Variants in PLSCR4 observed in about 807,000 individuals in gnomAD.
PLSCR4 encodes Ca(2+)-dependent phospholipid scramblase 4.
PLSCR4 carries 25 observed loss-of-function variants against 36.3 expected under a neutral mutation model. The observed-to-expected ratio is 0.69, with a 90% CI of 0.50 to 0.96. PLSCR4 has a LOEUF of 0.96. PLSCR4 is among the 40% of genes least tolerant of loss of function. The pLI is 0.00. For missense variants in PLSCR4, 408 were observed against 414.7 expected, an observed-to-expected ratio of 0.98 and a Z score of 0.14; for synonymous variants, 122 against 132.9, an observed-to-expected ratio of 0.92 and a Z score of 0.56.
At chr3:146,223,080 T>C (rs1056802073) in intron 1 of PLSCR4, among the ~76,000 whole-genome samples, 1 of 129,090 alleles carries the variant, frequency 7.7e-6, no homozygotes, top group African/African-American at 2.9e-5. Context: ...AGGGTAAGAA[T>C]TGAAAGTTTA....
At chr3:146,230,726 A>G (rs114766992) in intron 1 of PLSCR4, among the ~76,000 whole-genome samples, 88 of 152,354 alleles carry the variant, frequency 5.8e-4, no homozygotes, top group Non-Finnish European at 1.0e-3. Flanking sequence ...TCGCAGCAGT[A>G]AAAGGGTAAA....
At chr3:146,228,097 TA>T (rs992530278) in intron 1 of PLSCR4, among the ~76,000 whole-genome samples, 117 of 152,282 alleles carry the variant, frequency 7.7e-4, no homozygotes, top group African/African-American at 2.7e-3. Flanking sequence ...GTTATCCTGT[TA>T]ATCATGGGGA....
chr3:146,213,273 C>T (rs1241501076), intron 3 of PLSCR4, among the ~76,000 whole-genome samples: 1 of 150,134 alleles, frequency 6.7e-6, no homozygotes, highest in Non-Finnish European at 1.5e-5. Flanking sequence ...TCTTTCATTT[C>T]TATGGAAGAC....
intron 6 of PLSCR4, among the ~76,000 whole-genome samples, chr3:146,197,934 G>A (rs2033835349): frequency 6.6e-6 from 1 of 151,954 alleles, no homozygotes; most frequent in South Asian, 2.1e-4. Context: ...TTAAACCTAT[G>A]AGATAAAAAT....
chr3:146,250,152 A>C (rs930218551), intron 1 of PLSCR4, among the ~76,000 whole-genome samples: 1 of 152,172 alleles, frequency 6.6e-6, no homozygotes, highest in Non-Finnish European at 1.5e-5. Flanking sequence ...GTCTTTTTCA[A>C]ATTTAATGGA....
At chr3:146,219,850 G>GA (rs745556252) in intron 3 of PLSCR4, among the ~76,000 whole-genome samples, 1 of 152,114 alleles carries the variant, frequency 6.6e-6, no homozygotes, top group Non-Finnish European at 1.5e-5. Context: ...TGATGCAGGA[G>GA]AATCACTTGA....
At chr3:146,211,704 T>C (rs899102313) in intron 3 of PLSCR4, among the ~76,000 whole-genome samples, 1 of 152,288 alleles carries the variant, frequency 6.6e-6, no homozygotes, top group Non-Finnish European at 1.5e-5. Flanking sequence ...TTCAAACACA[T>C]AGATCTTTGA....
In PLSCR4 at chr3:146,201,034, C is replaced by T. The variant is rs775240277; in HGVS notation, c.397+1G>A. On this transcript the variant is annotated splice_donor_variant, in intron 5 of 8. Coordinates refer to ENST00000354952, the MANE Select transcript of PLSCR4 (RefSeq NM_020353.3). LOFTEE classifies it high-confidence loss of function. ...CTGAGCACTACAAAAATTATACATA[C>T]TTTCCAGAGGCTCAAAATGCTGAAG... The T allele has an allele frequency of 2.6e-6, 4 of 1,555,998 alleles. No homozygotes were observed. The highest frequency in any genetic ancestry group is 3.5e-6 in the Non-Finnish European group (4 of 1,155,078).
chr3:146,237,700 C>T (rs1206399173), intron 1 of PLSCR4, among the ~76,000 whole-genome samples: 12 of 151,440 alleles, frequency 7.9e-5, no homozygotes, highest in Non-Finnish European at 1.0e-4. Context: ...TGAAGTACAG[C>T]CAAAGCAATG....
chr3:146,218,390 T>C (rs943264975), intron 3 of PLSCR4, among the ~76,000 whole-genome samples: 3 of 151,918 alleles, frequency 2.0e-5, no homozygotes, highest in African/African-American at 7.2e-5. Flanking sequence ...GTACTTTTAA[T>C]ATAAAAGCAC....
chr3:146,237,855 G>A (rs1357750665), intron 1 of PLSCR4, among the ~76,000 whole-genome samples: 2 of 151,658 alleles, frequency 1.3e-5, no homozygotes, highest in South Asian at 4.2e-4. Context: ...AAAGATTAGA[G>A]TAGGAATAAA....
At chr3:146,200,973 T>A in intron 5 of PLSCR4, 62 bp downstream of exon 5, 1 of 1,067,400 alleles carries the variant, frequency 9.4e-7, no homozygotes, top group Non-Finnish European at 1.4e-6. Context: ...GAACTAGATA[T>A]TGGATAATGC....
At chr3:146,220,062 A>T (rs939532118) in intron 3 of PLSCR4, among the ~76,000 whole-genome samples, 51 of 152,296 alleles carry the variant, frequency 3.3e-4, no homozygotes, top group African/African-American at 1.1e-3. Flanking sequence ...TATGTATTTT[A>T]AAAAAATATT....
intron 1 of PLSCR4, among the ~76,000 whole-genome samples, chr3:146,225,998 C>T (rs778804952): frequency 1.5e-4 from 23 of 152,254 alleles, no homozygotes; most frequent in South Asian, 1.4e-3. Flanking sequence ...TATGATTCCA[C>T]GTAAGAATGT....
At chr3:146,238,843 G>A (rs905492575) in intron 1 of PLSCR4, among the ~76,000 whole-genome samples, 3 of 151,968 alleles carry the variant, frequency 2.0e-5, no homozygotes, top group Non-Finnish European at 4.4e-5. Context: ...GAAATAATGT[G>A]ACATTTTTAA....
intron 1 of PLSCR4, among the ~76,000 whole-genome samples, chr3:146,249,077 T>C (rs1258627922): frequency 6.6e-6 from 1 of 152,136 alleles, no homozygotes. Context: ...ATAAGATTTC[T>C]AGGTATATTA....
rs1428252726 is a variant in PLSCR4 at position 146,206,638 on chromosome 3, A to G, written c.242T>C (p.Val81Ala). ...LYQPVGGIHP[V>A]RYQPGKYPMP... is the part of the protein sequence containing the mutation. ...AGGATATTTGCCAGGCTGATACCGGACAGGATGGATACCACCAACTGGCTG... is the reference window on the plus strand; with the variant it reads ...AGGATATTTGCCAGGCTGATACCGGGCAGGATGGATACCACCAACTGGCTG... Residue 81 changes from valine to alanine, a missense_variant, in exon 4 of 9, where the codon GTC becomes GCC. By Grantham distance (64) the Val-to-Ala change is moderately conservative. Coordinates refer to ENST00000354952, the MANE Select transcript of PLSCR4 (RefSeq NM_020353.3). 3 of 1,613,406 alleles carry G rather than the reference A, an allele frequency of 1.9e-6. No homozygotes were observed. In the Admixed American group the frequency reaches 5.0e-5, roughly 27 times the overall value.
At chr3:146,214,445 G>A (rs1356907380) in intron 3 of PLSCR4, among the ~76,000 whole-genome samples, 2 of 150,568 alleles carry the variant, frequency 1.3e-5, no homozygotes, top group Non-Finnish European at 3.0e-5. Flanking sequence ...TTTTAATGGA[G>A]GTGTTTATAG....
At position 146,194,224 on chromosome 3, in the gene PLSCR4, C is replaced by T. The variant is rs2033579219; in HGVS notation, c.*187G>A. 3 of 571,380 alleles carry T rather than the reference C, an allele frequency of 5.3e-6. No individual in the cohort carries two copies. Among genetic ancestry groups the T allele is most frequent in the Non-Finnish European group, 9.3e-6 (3 of 321,402 alleles). 35.4% of individuals were successfully genotyped at this position (571,380 alleles called of 1,614,324 possible). A position where few individuals can be genotyped will look rare whatever the true frequency, so the allele number is the denominator to read the frequency against. On this transcript the variant is annotated 3_prime_UTR_variant, in exon 9 of 9. Transcript: ENST00000354952. ...GAACTCCTATTCTACTAGAGAGATACTCAATTGAAACACACTTTTAGATTG... is the reference window on the plus strand; with the variant it reads ...GAACTCCTATTCTACTAGAGAGATATTCAATTGAAACACACTTTTAGATTG...
Sources: gnomAD v4.1 joint callset for allele counts (sites outside exome capture counted in the v4.1 genomes callset) on GRCh38, gnomAD v4.1.1 for gene constraint, MANE v1.5 for transcripts, NCBI Gene and HGNC (gene_info 2026-07-23, HGNC 2026-07-21) for gene names.